Variants in CRPPA observed in about 807,000 individuals in gnomAD.
The protein encoded by CRPPA is CDP-L-ribitol pyrophosphorylase A, also known as D-ribitol-5-phosphate cytidylyltransferase.
A neutral mutation model predicts 52.0 loss-of-function variants in CRPPA; 43 were observed. The observed-to-expected ratio is 0.83, with a 90% CI of 0.65 to 1.07. The LOEUF (loss-of-function observed/expected upper bound fraction) is 1.07, where lower values mean the gene tolerates loss of function less well. Among genes scored for constraint, CRPPA ranks in the 50% least tolerant of loss-of-function variants. CRPPA has a pLI of 0.00. For synonymous variants in CRPPA, 250 were observed against 203.5 expected (o/e 1.23, Z -1.94); for missense variants, 629 against 551.7 (o/e 1.14, Z -1.40).
At chr7:16,326,389 T>C (rs974867976) in intron 3 of CRPPA, among the ~76,000 whole-genome samples, 4 of 152,080 alleles carry the variant, frequency 2.6e-5, no homozygotes, top group Non-Finnish European at 4.4e-5. Flanking sequence ...AAGGAGGAAA[T>C]CCCTCTTAAA....
chr7:16,414,833 T>G (rs991532010), intron 1 of CRPPA, among the ~76,000 whole-genome samples: 1 of 152,214 alleles, frequency 6.6e-6, no homozygotes, highest in African/African-American at 2.4e-5. Flanking sequence ...CAGCATAAAG[T>G]AGAAATGAGT....
At chr7:16,205,073 C>T (rs561204386) in intron 9 of CRPPA, among the ~76,000 whole-genome samples, 1 of 152,142 alleles carries the variant, frequency 6.6e-6, no homozygotes, top group Non-Finnish European at 1.5e-5. Flanking sequence ...CTTGGCAAGA[C>T]AGAGGCTTGC....
chr7:16,257,908 TC>T (rs1318351130), intron 8 of CRPPA, among the ~76,000 whole-genome samples: 1 of 152,096 alleles, frequency 6.6e-6, no homozygotes, highest in African/African-American at 2.4e-5. Context: ...CCAAAATTTT[TC>T]ATAGGCCATT....
intron 6 of CRPPA, among the ~76,000 whole-genome samples, chr7:16,271,933 A>G (rs1200517203): frequency 6.6e-6 from 1 of 152,218 alleles, no homozygotes; most frequent in East Asian, 1.9e-4. Context: ...AATAAACTAG[A>G]GAATTTAGGA....
At chr7:16,394,731 T>C (rs1046441395) in intron 2 of CRPPA, among the ~76,000 whole-genome samples, 1 of 152,120 alleles carries the variant, frequency 6.6e-6, no homozygotes. Flanking sequence ...TTCTTGTCTA[T>C]GAAAGCCAGA....
In CRPPA at chr7:16,089,966, A is replaced by G. The variant is rs780478851; in HGVS notation, c.*1729T>C. 1 of 155,440 alleles carries G rather than the reference A, an allele frequency of 6.4e-6. No homozygotes were observed. The highest frequency in any genetic ancestry group is 1.4e-5 in the Non-Finnish European group (1 of 70,004). The allele number at this position is 155,440 out of a possible 1,614,324, so 9.6% of individuals were successfully genotyped here. A position where few individuals can be genotyped will look rare whatever the true frequency, so the allele number is the denominator to read the frequency against. ...CCCTTCTTCCTTTATGAGCACTTTC[A>G]AAGTCTTAAACATTTTCACCTGATG... On this transcript the variant is annotated 3_prime_UTR_variant, in exon 10 of 10. Coordinates refer to ENST00000407010, the MANE Select transcript of CRPPA (RefSeq NM_001101426.4).
chr7:16,286,085 TTTAAAAAAAA>T (rs1562608659), intron 5 of CRPPA, among the ~76,000 whole-genome samples: 236 of 15,588 alleles, frequency 0.015, 18 homozygotes, highest in Non-Finnish European at 0.017. Flanking sequence ...ATATATAATA[TTTAAAAAAAA>T]AAATATATAT....
At chr7:16,250,223 G>A (rs1414934137) in intron 8 of CRPPA, among the ~76,000 whole-genome samples, 1 of 152,192 alleles carries the variant, frequency 6.6e-6, no homozygotes, top group Non-Finnish European at 1.5e-5. Context: ...ACGAGACTAT[G>A]TGAAAAGACC....
Position 16,091,463 on chromosome 7 carries a change from T to C in CRPPA, c.*232A>G, listed in dbSNP as rs1562498513. 1 of 379,360 alleles carries C rather than the reference T, an allele frequency of 2.6e-6. No individual in the cohort carries two copies. The highest frequency in any genetic ancestry group is 4.6e-6 in the Non-Finnish European group (1 of 215,594). The allele number at this position is 379,360 out of a possible 1,614,324, so 23.5% of individuals were successfully genotyped here. A position where few individuals can be genotyped will look rare whatever the true frequency, so the allele number is the denominator to read the frequency against. On this transcript the variant is annotated 3_prime_UTR_variant, in exon 10 of 10. Coordinates refer to ENST00000407010, the MANE Select transcript of CRPPA (RefSeq NM_001101426.4). ...TTTGAAGGCTATTATTTTCCACTTA[T>C]CTACTATTTTTTTCTGGTTCAGGCA...
chr7:16,186,211 T>C (rs147381031), intron 9 of CRPPA, among the ~76,000 whole-genome samples: 239 of 152,318 alleles, frequency 1.6e-3, no homozygotes, highest in African/African-American at 5.3e-3. Context: ...AGTTTAAATA[T>C]TGAAACCCTA....
In CRPPA at chr7:16,146,767, C is replaced by T. The variant is rs568767166; in HGVS notation, c.1252-54968G>A. On this transcript the variant is annotated intron_variant, in intron 9 of 9. Coordinates refer to ENST00000407010, the MANE Select transcript of CRPPA (RefSeq NM_001101426.4). ...AAAGATAAAATGTATAATAGACACA[C>T]AAAAGATAAAGAAAAAGGAAGGCAA... Among the ~76,000 whole-genome samples the T allele has an allele frequency of 3.4e-4, 51 of 151,878 alleles. 1 individual carries two copies. In the South Asian group the frequency reaches 5.2e-3, roughly 15 times the overall value.
At chr7:16,274,142 C>T (rs111380145) in intron 6 of CRPPA, among the ~76,000 whole-genome samples, 1,995 of 152,218 alleles carry the variant, frequency 0.013, 56 homozygotes, top group African/African-American at 0.046. Flanking sequence ...CTCTGCCTCC[C>T]GGGTTCACGA....
chr7:16,372,035 C>A (rs957270987), intron 3 of CRPPA, among the ~76,000 whole-genome samples: 1 of 151,834 alleles, frequency 6.6e-6, no homozygotes, highest in African/African-American at 2.4e-5. Context: ...AAAAAAAGAA[C>A]AAAGTCTCCA....
intron 9 of CRPPA, among the ~76,000 whole-genome samples, chr7:16,111,221 C>T (rs1442598657): frequency 6.6e-6 from 1 of 151,982 alleles, no homozygotes; most frequent in Non-Finnish European, 1.5e-5. Flanking sequence ...ATTTAACCTA[C>T]AATAAGATAT....
intron 8 of CRPPA, among the ~76,000 whole-genome samples, chr7:16,226,707 A>G (rs1353984738): frequency 6.6e-6 from 1 of 151,942 alleles, no homozygotes; most frequent in Non-Finnish European, 1.5e-5. Context: ...GGCAGATAAG[A>G]TTGATAAGTT....
At chr7:16,134,744 T>C (rs780795572) in intron 9 of CRPPA, among the ~76,000 whole-genome samples, 1 of 152,240 alleles carries the variant, frequency 6.6e-6, no homozygotes, top group Non-Finnish European at 1.5e-5. Flanking sequence ...GCAACCCTGA[T>C]ATTTCTAAGA....
chr7:16,353,906 A>T (rs1161383638), intron 3 of CRPPA, among the ~76,000 whole-genome samples: 2 of 152,130 alleles, frequency 1.3e-5, no homozygotes. Flanking sequence ...AATTCAGGTG[A>T]TGGGTATAGT....
intron 3 of CRPPA, among the ~76,000 whole-genome samples, chr7:16,327,622 A>T (rs1383067828): frequency 1.4e-5 from 2 of 140,150 alleles, no homozygotes; most frequent in South Asian, 4.9e-4. Flanking sequence ...AAAAAAAAAA[A>T]AAAAAGAGTA....
intron 8 of CRPPA, among the ~76,000 whole-genome samples, chr7:16,239,443 C>T (rs143102728): frequency 1.3e-5 from 2 of 150,444 alleles, no homozygotes; most frequent in Non-Finnish European, 1.5e-5. Flanking sequence ...AAAATATAAC[C>T]ATTAACTTTA....
Sources: gnomAD v4.1 joint callset for allele counts (sites outside exome capture counted in the v4.1 genomes callset) on GRCh38, gnomAD v4.1.1 for gene constraint, MANE v1.5 for transcripts, NCBI Gene and HGNC (gene_info 2026-07-23, HGNC 2026-07-21) for gene names.